Variants in AGBL4 observed in about 807,000 individuals in gnomAD.
AGBL4 encodes cytosolic carboxypeptidase 6.
In AGBL4, 58 loss-of-function variants were observed where a neutral mutation model predicts 66.4. The ratio of observed to expected loss-of-function variants is 0.87; its 90% CI spans 0.71 to 1.09. AGBL4 has a LOEUF of 1.09. Ranked by LOEUF, AGBL4 falls within the 50% of genes least tolerant of loss-of-function variation. The pLI is 0.00. For synonymous variants in AGBL4, 234 were observed against 222.9 expected (o/e 1.05, Z -0.44); for missense variants, 579 against 631.0 (o/e 0.92, Z 0.88).
chr1:49,880,880 C>A (rs1019607013), intron 1 of AGBL4, among the ~76,000 whole-genome samples: 2 of 151,948 alleles, frequency 1.3e-5, no homozygotes, highest in African/African-American at 4.8e-5. Context: ...TTTTTTAAGC[C>A]GGTCTGAAAA....
chr1:49,514,857 C>T (rs1649632784), intron 3 of AGBL4, among the ~76,000 whole-genome samples: 1 of 152,002 alleles, frequency 6.6e-6, no homozygotes, highest in South Asian at 2.1e-4. Context: ...AAACTGGATC[C>T]CTTCCTTACA....
At chr1:49,102,904 T>G (rs1645229588) in intron 4 of AGBL4, among the ~76,000 whole-genome samples, 1 of 152,196 alleles carries the variant, frequency 6.6e-6, no homozygotes, top group Admixed American at 6.6e-5. Context: ...ACTAAGATGC[T>G]GAAGGACAAA....
chr1:48,843,759 G>A (rs1408697483), intron 6 of AGBL4, among the ~76,000 whole-genome samples: 1 of 151,896 alleles, frequency 6.6e-6, no homozygotes, highest in Non-Finnish European at 1.5e-5. Context: ...TTCTATAGAT[G>A]AGAAAACCGA....
intron 3 of AGBL4, among the ~76,000 whole-genome samples, chr1:49,348,863 G>A (rs548049422): frequency 6.6e-6 from 1 of 152,322 alleles, no homozygotes; most frequent in South Asian, 2.1e-4. Context: ...AAGGCATTAG[G>A]AGTAGGAACA....
At chr1:49,380,203 A>G (rs1471365449) in intron 3 of AGBL4, among the ~76,000 whole-genome samples, 1 of 152,132 alleles carries the variant, frequency 6.6e-6, no homozygotes, top group East Asian at 1.9e-4. Context: ...CTTATACACC[A>G]ATAACAGCCA....
At chr1:48,527,786 C>A in the AGBL4 span, among the ~76,000 whole-genome samples, 1 of 152,036 alleles carries the variant, frequency 6.6e-6, no homozygotes, top group Non-Finnish European at 1.5e-5. Context: ...TTAGAGAGAA[C>A]AAGCAGGAAT....
chr1:49,556,140 CAAT>C (rs1200576100), intron 3 of AGBL4, among the ~76,000 whole-genome samples: 3 of 152,082 alleles, frequency 2.0e-5, no homozygotes, highest in African/African-American at 7.2e-5. Flanking sequence ...AAATGTCCAA[CAAT>C]TATAGACTGG....
At chr1:48,957,558 T>G (rs941830321) in intron 5 of AGBL4, among the ~76,000 whole-genome samples, 1 of 152,194 alleles carries the variant, frequency 6.6e-6, no homozygotes, top group African/African-American at 2.4e-5. Flanking sequence ...TTATTTGTAC[T>G]CCTCTCACCA....
At chr1:49,585,633 G>A (rs979365297) in intron 3 of AGBL4, among the ~76,000 whole-genome samples, 1 of 152,080 alleles carries the variant, frequency 6.6e-6, no homozygotes, top group Admixed American at 6.6e-5. Flanking sequence ...GACTTTGTGA[G>A]ATCCCAAGCA....
At chr1:49,775,301 G>T (rs1238096603) in intron 2 of AGBL4, among the ~76,000 whole-genome samples, 1 of 152,090 alleles carries the variant, frequency 6.6e-6, no homozygotes. Flanking sequence ...TTGCAACATT[G>T]CTGTGTATAT....
intron 3 of AGBL4, among the ~76,000 whole-genome samples, chr1:49,542,500 G>A (rs984245600): frequency 6.6e-6 from 1 of 152,172 alleles, no homozygotes; most frequent in African/African-American, 2.4e-5. Context: ...GTGAGGGTCT[G>A]CGGCTTCATT....
At chr1:48,601,708 T>C (rs1645076051) in intron 9 of AGBL4, among the ~76,000 whole-genome samples, 1 of 152,208 alleles carries the variant, frequency 6.6e-6, no homozygotes, top group Admixed American at 6.5e-5. Flanking sequence ...TCTTAGTTTC[T>C]CAGAAGAAGC....
chr1:48,571,515 T>G (rs1003948843), intron 11 of AGBL4, among the ~76,000 whole-genome samples: 4 of 152,252 alleles, frequency 2.6e-5, no homozygotes, highest in African/African-American at 7.2e-5. Flanking sequence ...GGGGACACTA[T>G]GAGAGGCATC....
At chr1:49,074,413 G>C (rs1302602440) in intron 4 of AGBL4, among the ~76,000 whole-genome samples, 2 of 152,120 alleles carry the variant, frequency 1.3e-5, no homozygotes, top group African/African-American at 4.8e-5. Context: ...TGTCCAACCA[G>C]TCCCAATGAG....
chr1:49,231,897 C>T (rs1650339042), intron 4 of AGBL4, among the ~76,000 whole-genome samples: 1 of 152,154 alleles, frequency 6.6e-6, no homozygotes, highest in Non-Finnish European at 1.5e-5. Flanking sequence ...ATAAAATCAG[C>T]TTTGTGTTAC....
chr1:48,875,111 A>G (rs1649092706), intron 5 of AGBL4, among the ~76,000 whole-genome samples: 1 of 152,230 alleles, frequency 6.6e-6, no homozygotes, highest in South Asian at 2.1e-4. Flanking sequence ...CCTGCCCTCA[A>G]AGAGCTAGCT....
intron 6 of AGBL4, among the ~76,000 whole-genome samples, chr1:48,786,396 C>T (rs530701889): frequency 1.1e-4 from 16 of 152,234 alleles, no homozygotes; most frequent in South Asian, 4.2e-4. Flanking sequence ...TTCTTTGATT[C>T]GAAACTTAGG....
chr1:48,635,374 A>G (rs1645651734), intron 8 of AGBL4, among the ~76,000 whole-genome samples: 1 of 152,200 alleles, frequency 6.6e-6, no homozygotes, highest in Non-Finnish European at 1.5e-5. Flanking sequence ...CCCATTTCTT[A>G]TCACTGTGCT....
At chr1:49,364,941 G>A (rs1476525756) in intron 3 of AGBL4, among the ~76,000 whole-genome samples, 1 of 152,182 alleles carries the variant, frequency 6.6e-6, no homozygotes, top group Non-Finnish European at 1.5e-5. Flanking sequence ...CCTATTGTAT[G>A]AGATGGTTGT....
Sources: allele counts gnomAD v4.1 joint callset (sites outside exome capture counted in the v4.1 genomes callset), GRCh38; gene constraint gnomAD v4.1.1; transcripts MANE v1.5; gene names NCBI Gene and HGNC (gene_info 2026-07-23, HGNC 2026-07-21).